The following ADGRF5 variants were observed in gnomAD, a reference collection of about 807,000 sequenced individuals.
ADGRF5 encodes G-protein coupled receptor 116.
Under a neutral mutation model 132.3 loss-of-function variants are expected in ADGRF5, and 75 were observed. The ratio of observed to expected loss-of-function variants is 0.57; its 90% CI spans 0.47 to 0.69. The LOEUF is 0.69. Ranked by LOEUF, ADGRF5 falls within the 30% of genes least tolerant of loss-of-function variation. The probability of loss-of-function intolerance (pLI) is 0.00; values close to 1 mark genes in which losing one functional copy is unlikely to be tolerated. For missense variants in ADGRF5, 1,516 were observed against 1,630.6 expected (o/e 0.93, Z 1.21); for synonymous variants, 629 against 597.6 (o/e 1.05, Z -0.77).
upstream of ADGRF5, among the ~76,000 whole-genome samples, chr6:46,922,654 A>C (rs868026514): frequency 1.1e-4 from 17 of 152,190 alleles, no homozygotes; most frequent in African/African-American, 3.9e-4. Flanking sequence ...CCCAAGGAGA[A>C]CCCTTCCCAA....
At chr6:46,945,423 C>G (rs894678081) in intron 1 of ADGRF5, among the ~76,000 whole-genome samples, 2 of 152,174 alleles carry the variant, frequency 1.3e-5, no homozygotes, top group Non-Finnish European at 2.9e-5. Flanking sequence ...GACACTTTTG[C>G]GTTCCTAACT....
intron 1 of ADGRF5, among the ~76,000 whole-genome samples, chr6:46,916,401 C>T (rs1366334826): frequency 6.6e-6 from 1 of 152,196 alleles, no homozygotes; most frequent in African/African-American, 2.4e-5. Context: ...TTCCTAGGCT[C>T]ACAGCTTCAC....
At chr6:46,898,285 A>T (rs1361507524) in intron 3 of ADGRF5, among the ~76,000 whole-genome samples, 1 of 152,344 alleles carries the variant, frequency 6.6e-6, no homozygotes, top group South Asian at 2.1e-4. Context: ...AGAATTTGGC[A>T]GAAACCTGGA....
chr6:46,854,458 C>G (rs572754512), intron 20 of ADGRF5, among the ~76,000 whole-genome samples: 3 of 151,998 alleles, frequency 2.0e-5, no homozygotes, highest in Non-Finnish European at 4.4e-5. Flanking sequence ...TGGGAGGCAC[C>G]TAGAGGCTCT....
intron 1 of ADGRF5, among the ~76,000 whole-genome samples, chr6:46,942,330 A>G (rs1432065807): frequency 6.6e-6 from 1 of 152,220 alleles, no homozygotes; most frequent in Non-Finnish European, 1.5e-5. Context: ...AGTATCTGGC[A>G]CAGAGTAGTC....
chr6:46,915,176 T>G (rs1310118393), intron 1 of ADGRF5, among the ~76,000 whole-genome samples: 1 of 152,028 alleles, frequency 6.6e-6, no homozygotes, highest in Non-Finnish European at 1.5e-5. Flanking sequence ...TATACTCAAA[T>G]GTTATGTGAG....
intron 1 of ADGRF5, among the ~76,000 whole-genome samples, chr6:46,953,430 T>C (rs994405702): frequency 6.6e-6 from 1 of 151,804 alleles, no homozygotes; most frequent in Non-Finnish European, 1.5e-5. Context: ...GAGACCAGCC[T>C]GGGCAACACG....
chr6:46,889,266 C>A, intron 3 of ADGRF5, among the ~76,000 whole-genome samples: 1 of 144,140 alleles, frequency 6.9e-6, no homozygotes, highest in Admixed American at 7.0e-5. Context: ...TATATATAGA[C>A]TACTATATAT....
chr6:46,918,637 G>A (rs762845891), intron 1 of ADGRF5, among the ~76,000 whole-genome samples: 14 of 152,308 alleles, frequency 9.2e-5, no homozygotes, highest in Non-Finnish European at 1.9e-4. Flanking sequence ...AAATCTGCAA[G>A]TCTTAGGGAG....
At chr6:46,917,463 T>C (rs1776522440) in intron 1 of ADGRF5, among the ~76,000 whole-genome samples, 1 of 152,148 alleles carries the variant, frequency 6.6e-6, no homozygotes, top group Admixed American at 6.6e-5. Context: ...ATTTGCTAGC[T>C]TTTTGTCTCA....
chr6:46,884,374 T>A (rs1480808583), intron 4 of ADGRF5, 103 bp from the exon 5 acceptor site: 39 of 867,646 alleles, frequency 4.5e-5, no homozygotes, highest in Non-Finnish European at 6.9e-5. Flanking sequence ...CATCCGAATC[T>A]GACTTTATAT....
Position 46,869,047 on chromosome 6 carries a change from T to C in ADGRF5, c.1457A>G (p.Gln486Arg). 3.7e-6 allele frequency: 6 copies of C among 1,614,102 alleles called. No individual in the cohort carries two copies. Among genetic ancestry groups the C allele is most frequent in the Non-Finnish European group, 5.1e-6 (6 of 1,179,974 alleles). Residue 486 changes from glutamine (Q) to arginine (R), a missense_variant, in exon 12 of 21, where the codon CAA becomes CGA. Around this residue, in one of 2 missense-constraint regions of ADGRF5, gnomAD observed 945 missense variants for 929.4 expected, o/e 1.02. Transcript: ENST00000283296. ...ACTGATGCATTTTATAGAAAAGTTT[T>C]GTCCCTCAGAAACAGAAATTGGGTC... Reference protein sequence around the residue: ...TPDPISVSEGQNFSIKCISDV... With the variant: ...TPDPISVSEGRNFSIKCISDV...
intron 4 of ADGRF5, chr6:46,886,997 G>C (rs1182541109): frequency 6.6e-6 from 1 of 152,172 alleles, no homozygotes; most frequent in Non-Finnish European, 1.5e-5. Context: ...TGAGAAGCTT[G>C]TTAACCCAAG....
chr6:46,867,906 A>T (rs1479940465), intron 12 of ADGRF5, among the ~76,000 whole-genome samples: 1 of 152,250 alleles, frequency 6.6e-6, no homozygotes, highest in Non-Finnish European at 1.5e-5. Flanking sequence ...GATTAATGTG[A>T]CTGCAAAAGC....
intron 2 of ADGRF5, among the ~76,000 whole-genome samples, chr6:46,903,236 C>T (rs1287773330): frequency 1.3e-5 from 2 of 152,114 alleles, no homozygotes; most frequent in African/African-American, 4.8e-5. Context: ...TGCCAGGGCT[C>T]CCAGTGCTCG....
chr6:46,939,294 G>A (rs1206622377), intron 1 of ADGRF5, among the ~76,000 whole-genome samples: 2 of 152,182 alleles, frequency 1.3e-5, no homozygotes, highest in African/African-American at 4.8e-5. Flanking sequence ...CCAGTTTCAG[G>A]GTATCTGGAT....
Position 46,897,715 on chromosome 6 carries a change from C to T in ADGRF5, c.157+2314G>A, listed in dbSNP as rs373846813. On this transcript the variant is annotated intron_variant, in intron 3 of 20. Transcript: ENST00000283296. Reference sequence around the variant, plus strand: ...TCAGCCTCCTGAGTAGCTGGGAATACGACTATTTTTAGTAGAGACGGAGTT... The same window carrying T: ...TCAGCCTCCTGAGTAGCTGGGAATATGACTATTTTTAGTAGAGACGGAGTT... Among the ~76,000 whole-genome samples the T allele has an allele frequency of 1.1e-4, 17 of 152,210 alleles. No individual in the cohort carries two copies. The East Asian group carries it at 2.3e-3, about 21-fold the overall frequency.
chr6:46,947,432 A>G (rs1237924210), intron 1 of ADGRF5, among the ~76,000 whole-genome samples: 1 of 152,266 alleles, frequency 6.6e-6, no homozygotes, highest in Non-Finnish European at 1.5e-5. Context: ...ACACAAACAT[A>G]TGCACACTCA....
chr6:46,907,644 A>G (rs1468758230), intron 1 of ADGRF5, among the ~76,000 whole-genome samples: 1 of 152,170 alleles, frequency 6.6e-6, no homozygotes, highest in Non-Finnish European at 1.5e-5. Context: ...TAGAAGGTCT[A>G]GGGACCAAGA....
Sources: allele counts gnomAD v4.1 joint callset (sites outside exome capture counted in the v4.1 genomes callset), GRCh38; gene constraint gnomAD v4.1.1; regional missense constraint gnomAD v4.1.1; transcripts MANE v1.5; gene names NCBI Gene and HGNC (gene_info 2026-07-23, HGNC 2026-07-21).